The following BCL11B variants were observed in gnomAD, a reference collection of about 807,000 sequenced individuals.
BCL11B encodes B-cell lymphoma/leukemia 11B.
A neutral mutation model predicts 49.9 loss-of-function variants in BCL11B; 8 were observed. The observed-to-expected ratio is 0.16, with a 90% CI of 0.09 to 0.29. BCL11B has a LOEUF of 0.29. Among genes scored for constraint, BCL11B ranks in the 10% least tolerant of loss-of-function variants. BCL11B has a pLI of 1.00. For synonymous variants in BCL11B, 739 were observed against 637.4 expected (o/e 1.16, Z -2.40); for missense variants, 1,006 against 1,351.0 (o/e 0.74, Z 4.00).
intron 3 of BCL11B, among the ~76,000 whole-genome samples, chr14:99,225,222 A>G (rs1040660480): frequency 1.3e-5 from 2 of 152,244 alleles, no homozygotes; most frequent in African/African-American, 4.8e-5. Context: ...GGTATGAGTC[A>G]GCTCTGCCAC....
intron 1 of BCL11B, among the ~76,000 whole-genome samples, chr14:99,259,710 C>T (rs1889282341): frequency 6.6e-6 from 1 of 152,214 alleles, no homozygotes. Context: ...AAGCCGGTCC[C>T]AGAAACCATT....
At chr14:99,198,894 G>A (rs1887259318) in intron 3 of BCL11B, among the ~76,000 whole-genome samples, 1 of 152,046 alleles carries the variant, frequency 6.6e-6, no homozygotes, top group Non-Finnish European at 1.5e-5. Context: ...ATTCCTCCCA[G>A]GCAGACTAGG....
rs567732381 is a variant in BCL11B, at chr14:99,173,214, G to A, written c.*937C>T. 1.3e-5 allele frequency: 3 copies of A among 228,516 alleles called. No individual in the cohort carries two copies. The highest frequency in any genetic ancestry group is 6.7e-5 in the African/African-American group (3 of 45,102). 14.2% of individuals were successfully genotyped at this position (228,516 alleles called of 1,614,324 possible). A position where few individuals can be genotyped will look rare whatever the true frequency, so the allele number is the denominator to read the frequency against. Reference sequence around the variant, plus strand: ...AGGTACCCTCAGCCCATTTTATGTAGCCTAATCTACAGCGAATAGCAGCCA... The same window carrying A: ...AGGTACCCTCAGCCCATTTTATGTAACCTAATCTACAGCGAATAGCAGCCA... On this transcript the variant is annotated 3_prime_UTR_variant, in exon 4 of 4. Transcript: ENST00000357195.
chr14:99,198,017 T>C (rs1207415915), intron 3 of BCL11B, among the ~76,000 whole-genome samples: 1 of 152,218 alleles, frequency 6.6e-6, no homozygotes, highest in Admixed American at 6.5e-5. Flanking sequence ...CGCGTGGGCT[T>C]AGTGTGTATC....
intron 3 of BCL11B, among the ~76,000 whole-genome samples, chr14:99,209,106 C>A (rs909047009): frequency 6.6e-6 from 1 of 152,182 alleles, no homozygotes; most frequent in Non-Finnish European, 1.5e-5. Flanking sequence ...CTGGTTACAA[C>A]CCCCTCTCTG....
In BCL11B at chr14:99,257,378, C is replaced by T. The variant is rs1889196169; in HGVS notation, c.427+93G>A. Reference sequence around the variant, plus strand: ...GGCCCAGAGGCCATCCTGGAAGCCCCTGGGCCTTCCCCTGCACCAGCACAC... The same window carrying T: ...GGCCCAGAGGCCATCCTGGAAGCCCTTGGGCCTTCCCCTGCACCAGCACAC... On this transcript the variant is annotated intron_variant, in intron 2 of 3. Coordinates refer to ENST00000357195, the MANE Select transcript of BCL11B (RefSeq NM_138576.4). This position sits in a 1 kb window ranked among gnomAD's most constrained non-coding sequence, Gnocchi z 6.2. 1.4e-6 allele frequency: 2 copies of T among 1,477,210 alleles called. No individual in the cohort carries two copies. Among genetic ancestry groups the T allele is most frequent in the Non-Finnish European group, 1.8e-6 (2 of 1,108,882 alleles). The allele number at this position is 1,477,210 out of a possible 1,614,324, so 91.5% of individuals were successfully genotyped here.
At chr14:99,234,999 C>G (rs927888474) in intron 2 of BCL11B, among the ~76,000 whole-genome samples, 1 of 152,164 alleles carries the variant, frequency 6.6e-6, no homozygotes, top group African/African-American at 2.4e-5. Flanking sequence ...TGTCACCCGT[C>G]TCTCTTCTAG....
At chr14:99,206,611 G>A (rs11624856) in intron 3 of BCL11B, among the ~76,000 whole-genome samples, 2,363 of 152,268 alleles carry the variant, frequency 0.016, 25 homozygotes, top group Non-Finnish European at 0.025. Context: ...TGGTAGTATC[G>A]CAGTGCTTGT....
At chr14:99,190,541 T>A (rs142722321) in intron 3 of BCL11B, among the ~76,000 whole-genome samples, 1 of 152,272 alleles carries the variant, frequency 6.6e-6, no homozygotes, top group East Asian at 1.9e-4. Context: ...TCTGTGCCTT[T>A]GTTTTGTTTT....
At chr14:99,229,031 GATGGATGGATGC>G (rs1888240890) in intron 3 of BCL11B, among the ~76,000 whole-genome samples, 5 of 123,610 alleles carry the variant, frequency 4.0e-5, no homozygotes, top group African/African-American at 3.2e-5. Flanking sequence ...TGGATGGATG[GATGGATGGATGC>G]ATGGATGGAT....
intron 2 of BCL11B, among the ~76,000 whole-genome samples, chr14:99,245,931 G>A (rs893957853): frequency 2.0e-5 from 3 of 152,134 alleles, no homozygotes; most frequent in African/African-American, 7.2e-5. Context: ...GCTGCTGCTG[G>A]GCTGGGGACC....
At chr14:99,236,195 C>T (rs904357312) in intron 2 of BCL11B, among the ~76,000 whole-genome samples, 13 of 152,078 alleles carry the variant, frequency 8.5e-5, no homozygotes, top group Non-Finnish European at 8.8e-5. Context: ...GGAAAGGCAG[C>T]GCCAAATTTC....
intron 3 of BCL11B, among the ~76,000 whole-genome samples, chr14:99,176,424 G>A (rs1886535319): frequency 6.6e-6 from 1 of 152,200 alleles, no homozygotes; most frequent in Non-Finnish European, 1.5e-5. Flanking sequence ...CCACCCGGGC[G>A]CCAGCGACTT....
intron 1 of BCL11B, among the ~76,000 whole-genome samples, chr14:99,265,814 T>C (rs1165547103): frequency 3.9e-5 from 6 of 152,198 alleles, no homozygotes; most frequent in Non-Finnish European, 7.3e-5. Context: ...TTGTCTGACC[T>C]AATTTATTTC....
In BCL11B at chr14:99,271,875, G is replaced by T. The variant is rs1843568803; in HGVS notation, c.-657C>A. On this transcript the variant is annotated 5_prime_UTR_variant, in exon 1 of 4. Transcript: ENST00000357195. ...AATGTAAAACTGCCCCGGTTCGGTT[G>T]TTTCTGGGTTTTCTGCGGGCTGCCT... Among the ~76,000 whole-genome samples the T allele has an allele frequency of 6.6e-6, 1 of 152,100 alleles. No individual in the cohort carries two copies.
chr14:99,225,823 G>A (rs910882950), intron 3 of BCL11B, among the ~76,000 whole-genome samples: 1 of 152,176 alleles, frequency 6.6e-6, no homozygotes. Context: ...AGGCTGCAGC[G>A]ATCTCCACTC....
At chr14:99,256,992 G>A (rs1889182921) in intron 2 of BCL11B, among the ~76,000 whole-genome samples, 1 of 152,118 alleles carries the variant, frequency 6.6e-6, no homozygotes, top group Non-Finnish European at 1.5e-5. Flanking sequence ...GTGCCTACCA[G>A]GTCATGCCGC....
In BCL11B at chr14:99,174,770, T is replaced by A; in HGVS notation, c.2066A>T (p.Lys689Met). Residue 689 changes from lysine to methionine, a missense_variant, in exon 4 of 4, where the codon AAG (lysine) becomes ATG (methionine). This residue lies in a region of BCL11B where 443 missense variants were observed against 499.7 expected (regional missense o/e 0.89). Coordinates refer to ENST00000357195, the MANE Select transcript of BCL11B (RefSeq NM_138576.4). Reference sequence around the variant, plus strand: ...CGGCAGCTCCAGGTCCTTCTCCACCTTGATGCGCTTGGCGGCGCTGTTGAG... The same window carrying A: ...CGGCAGCTCCAGGTCCTTCTCCACCATGATGCGCTTGGCGGCGCTGTTGAG... Reference protein sequence around the residue: ...PGLNSAAKRIKVEKDLELPPA... With the variant: ...PGLNSAAKRIMVEKDLELPPA... The A allele has an allele frequency of 1.4e-6, 2 of 1,479,216 alleles. No homozygotes were observed. Among genetic ancestry groups the A allele is most frequent in the Non-Finnish European group, 1.8e-6 (2 of 1,115,294 alleles). The allele number at this position is 1,479,216 out of a possible 1,614,324, so 91.6% of individuals were successfully genotyped here.
intron 3 of BCL11B, 111 bp from the exon 4 acceptor site, chr14:99,176,306 C>T: frequency 9.6e-7 from 1 of 1,042,696 alleles, no homozygotes; most frequent in Non-Finnish European, 1.3e-6. Flanking sequence ...ATCCGGGATC[C>T]CAGTGCCCTG....
Sources: allele counts gnomAD v4.1 joint callset (sites outside exome capture counted in the v4.1 genomes callset), GRCh38; gene constraint gnomAD v4.1.1; regional missense constraint gnomAD v4.1.1; non-coding constraint Gnocchi (gnomAD v3.1); transcripts MANE v1.5; gene names NCBI Gene and HGNC (gene_info 2026-07-23, HGNC 2026-07-21).